The following ATRN variants were observed in gnomAD, a reference collection of about 807,000 sequenced individuals.
ATRN encodes the protein attractin-2.
ATRN carries 54 observed loss-of-function variants against 178.7 expected under a neutral mutation model. That is an observed-to-expected ratio of 0.30 (90% confidence interval 0.24 to 0.38). ATRN has a LOEUF of 0.38. Among genes scored for constraint, ATRN ranks in the 10% least tolerant of loss-of-function variants. ATRN has a pLI of 1.00. For missense variants in ATRN, 1,443 were observed against 1,815.1 expected, an observed-to-expected ratio of 0.79 and a Z score of 3.73; for synonymous variants, 636 against 663.0, an observed-to-expected ratio of 0.96 and a Z score of 0.63.
chr20:3,516,687 C>G (rs1248842290), intron 1 of ATRN, among the ~76,000 whole-genome samples: 6 of 152,150 alleles, frequency 3.9e-5, no homozygotes, highest in Non-Finnish European at 8.8e-5. Flanking sequence ...TACTAGCTCT[C>G]TGGTTCTCTT....
intron 1 of ATRN, among the ~76,000 whole-genome samples, chr20:3,480,216 G>A (rs574546277): frequency 6.6e-6 from 1 of 152,286 alleles, no homozygotes; most frequent in African/African-American, 2.4e-5. Context: ...GTTTCTGGCC[G>A]TGCTGATTGT....
chr20:3,527,566 A>G (rs1452582619), intron 1 of ATRN, among the ~76,000 whole-genome samples: 1 of 152,238 alleles, frequency 6.6e-6, no homozygotes, highest in East Asian at 1.9e-4. Context: ...CAATCCCATT[A>G]CTGGGTGTAT....
chr20:3,646,449 G>T (rs2087108263), intron 28 of ATRN, among the ~76,000 whole-genome samples: 1 of 152,156 alleles, frequency 6.6e-6, no homozygotes, highest in African/African-American at 2.4e-5. Flanking sequence ...GAAAGGAGAA[G>T]AATGTGTATT....
intron 1 of ATRN, among the ~76,000 whole-genome samples, chr20:3,496,584 A>G (rs960457804): frequency 4.6e-5 from 7 of 152,140 alleles, no homozygotes; most frequent in African/African-American, 9.7e-5. Flanking sequence ...TATGTGGTCA[A>G]TTTTGGAATA....
chr20:3,581,741 A>T (rs956419725), intron 15 of ATRN, among the ~76,000 whole-genome samples: 1 of 152,140 alleles, frequency 6.6e-6, no homozygotes, highest in Admixed American at 6.5e-5. Context: ...CAGAACTTAA[A>T]TATTGCTTTG....
intron 11 of ATRN, among the ~76,000 whole-genome samples, chr20:3,570,451 T>C (rs921136033): frequency 3.9e-5 from 6 of 152,196 alleles, no homozygotes; most frequent in African/African-American, 1.2e-4. Flanking sequence ...TTCCCTTTGT[T>C]TACCAATCTT....
At chr20:3,547,691 G>A (rs545727425) in intron 5 of ATRN, among the ~76,000 whole-genome samples, 14 of 152,272 alleles carry the variant, frequency 9.2e-5, no homozygotes, top group African/African-American at 3.4e-4. Context: ...TTAGAATTAT[G>A]GAGGGTTGGC....
chr20:3,547,665 T>C (rs1280355251), intron 5 of ATRN, among the ~76,000 whole-genome samples, 176 bp downstream of exon 5: 1 of 152,206 alleles, frequency 6.6e-6, no homozygotes, highest in Non-Finnish European at 1.5e-5. Context: ...GTTTCATACA[T>C]GTGTGGTCAT....
intron 4 of ATRN, 48 bp from the exon 5 acceptor site, chr20:3,547,236 T>A (rs749536344): frequency 5.6e-6 from 8 of 1,418,204 alleles, no homozygotes; most frequent in Non-Finnish European, 8.0e-6. Flanking sequence ...GCTAAGTTAA[T>A]GGAAGCGTTG....
At chr20:3,552,154 G>A (rs1162216890) in intron 6 of ATRN, among the ~76,000 whole-genome samples, 1 of 151,918 alleles carries the variant, frequency 6.6e-6, no homozygotes, top group Non-Finnish European at 1.5e-5. Flanking sequence ...TCTTTAGCTG[G>A]TTTCTCTTCA....
At chr20:3,598,466 C>T (rs887624735) in intron 22 of ATRN, among the ~76,000 whole-genome samples, 2 of 152,188 alleles carry the variant, frequency 1.3e-5, no homozygotes, top group Non-Finnish European at 2.9e-5. Context: ...AGGGGACACT[C>T]TGCTCCTAGA....
intron 1 of ATRN, among the ~76,000 whole-genome samples, chr20:3,502,039 T>C (rs1415332376): frequency 2.0e-5 from 3 of 152,150 alleles, no homozygotes; most frequent in African/African-American, 7.2e-5. Context: ...CTCCTAGCTT[T>C]ATTGTTTGCT....
At position 3,471,028 on chromosome 20, in the gene ATRN, C is replaced by T. The variant is rs1555805308; in HGVS notation, c.-80C>T. On this transcript the variant is annotated 5_prime_UTR_variant, in exon 1 of 29. Transcript: ENST00000262919. ...CGAGCCACCGTCCGCACAGCCCCGC[C>T]CCGCACGGCCAGGCGAAGCGGAGCC... 2 of 1,406,304 alleles carry T rather than the reference C, an allele frequency of 1.4e-6. No individual in the cohort carries two copies. The highest frequency in any genetic ancestry group is 1.6e-5 in the South Asian group (1 of 64,384). 87.1% of individuals were successfully genotyped at this position (1,406,304 alleles called of 1,614,324 possible).
At chr20:3,533,481 A>G (rs562835788) in intron 1 of ATRN, among the ~76,000 whole-genome samples, 4 of 152,164 alleles carry the variant, frequency 2.6e-5, no homozygotes, top group African/African-American at 9.7e-5. Flanking sequence ...TTGAATTTTC[A>G]TGTGTGACTT....
intron 1 of ATRN, among the ~76,000 whole-genome samples, chr20:3,480,689 G>C (rs972845488): frequency 6.6e-6 from 1 of 152,146 alleles, no homozygotes; most frequent in Non-Finnish European, 1.5e-5. Context: ...CTCGATGAAA[G>C]GTTCCCAAGA....
At chr20:3,608,761 GT>G in intron 24 of ATRN, among the ~76,000 whole-genome samples, 1 of 152,144 alleles carries the variant, frequency 6.6e-6, no homozygotes, top group African/African-American at 2.4e-5. Flanking sequence ...GAGGTCAGGA[GT>G]TCGAGACCAG....
In ATRN at chr20:3,573,734, A is replaced by T. The variant is rs181138557; in HGVS notation, c.2092+783A>T. Reference sequence around the variant, plus strand: ...GCGGTACAGTGAAGCGATATATTAAAAATTTATTTTTTGTTTTATTTTATT... The same window carrying T: ...GCGGTACAGTGAAGCGATATATTAATAATTTATTTTTTGTTTTATTTTATT... On this transcript the variant is annotated intron_variant, in intron 12 of 28. Transcript: ENST00000262919. 4.7e-4 allele frequency among the ~76,000 whole-genome samples: 69 copies of T among 147,484 alleles called. No individual in the cohort carries two copies. In the Admixed American group the frequency reaches 4.8e-3, roughly 10 times the overall value.
At position 3,582,323 on chromosome 20, in the gene ATRN, C is replaced by T. The variant is rs2086292996; in HGVS notation, c.2733C>T (p.Asn911=). 2 of 1,612,272 alleles carry T rather than the reference C, an allele frequency of 1.2e-6. No homozygotes were observed. Among genetic ancestry groups the T allele is most frequent in the Non-Finnish European group, 1.7e-6 (2 of 1,180,006 alleles). Residue 911 remains asparagine, a synonymous_variant, in exon 16 of 29, where the codon AAC becomes AAT. Transcript: ENST00000262919. ...TRGLKAATCI[N]PLNGSVCERP... ...GACTGAAGGCTGCAACCTGCATCAA[C>T]CCACTCAATGGTAGTGTCTGTGAAA...
Position 3,594,461 on chromosome 20 carries a change from C to A in ATRN, c.3323-18C>A, listed in dbSNP as rs765616223. On this transcript the variant is annotated intron_variant, in intron 19 of 28. Coordinates refer to ENST00000262919, the MANE Select transcript of ATRN (RefSeq NM_139321.3). ...TTTTAAGCCAGTTGTGACCTCTGTT[C>A]CTTTTTCTTCTCTGCAGCATGCAAG... 6.3e-7 allele frequency: 1 copy of A among 1,581,492 alleles called. No individual in the cohort carries two copies. Among genetic ancestry groups the A allele is most frequent in the Non-Finnish European group, 8.6e-7 (1 of 1,158,604 alleles).
Sources: allele counts gnomAD v4.1 joint callset (sites outside exome capture counted in the v4.1 genomes callset), GRCh38; gene constraint gnomAD v4.1.1; transcripts MANE v1.5; gene names NCBI Gene and HGNC (gene_info 2026-07-23, HGNC 2026-07-21).